The following SUGCT variants were observed in gnomAD, a reference collection of about 807,000 sequenced individuals.
SUGCT encodes the protein succinyl-CoA:glutarate-CoA transferase.
Under a neutral mutation model 55.0 loss-of-function variants are expected in SUGCT, and 41 were observed. The observed-to-expected ratio is 0.74, with a 90% confidence interval of 0.58 to 0.97. SUGCT has a LOEUF of 0.97. Ranked by LOEUF, SUGCT falls within the 50% of genes least tolerant of loss-of-function variation. The probability of loss-of-function intolerance (pLI) is 0.00; values close to 1 mark genes in which losing one functional copy is unlikely to be tolerated. For synonymous variants in SUGCT, 187 were observed against 200.4 expected (o/e 0.93, Z 0.56); for missense variants, 568 against 547.8 (o/e 1.04, Z -0.37).
the SUGCT span, among the ~76,000 whole-genome samples, chr7:40,996,580 A>G: frequency 6.6e-6 from 1 of 152,218 alleles, no homozygotes; most frequent in Non-Finnish European, 1.5e-5. Flanking sequence ...GGTGGGGACC[A>G]GGGAAATTGC....
chr7:40,779,147 C>A (rs1789604659), intron 13 of SUGCT, among the ~76,000 whole-genome samples: 1 of 152,132 alleles, frequency 6.6e-6, no homozygotes, highest in African/African-American at 2.4e-5. Context: ...CTTTTCAGGT[C>A]TCAGTTTCCT....
At chr7:40,468,001 A>C (rs1361099794) in intron 11 of SUGCT, among the ~76,000 whole-genome samples, 1 of 150,110 alleles carries the variant, frequency 6.7e-6, no homozygotes, top group Admixed American at 6.6e-5. Context: ...AGAGTACCTT[A>C]ATAGCCCCTA....
intron 9 of SUGCT, among the ~76,000 whole-genome samples, chr7:40,417,853 T>C (rs1787093679): frequency 6.6e-6 from 1 of 151,664 alleles, no homozygotes; most frequent in Non-Finnish European, 1.5e-5. Flanking sequence ...TAATTTCTCA[T>C]TACATTTTTA....
chr7:40,201,739 A>G (rs1017636080), intron 6 of SUGCT, among the ~76,000 whole-genome samples: 3 of 152,198 alleles, frequency 2.0e-5, no homozygotes, highest in African/African-American at 7.2e-5. Flanking sequence ...CTGATTCCAG[A>G]AAATGACTTT....
intron 13 of SUGCT, among the ~76,000 whole-genome samples, chr7:40,846,185 G>A (rs907123854): frequency 6.6e-6 from 1 of 152,118 alleles, no homozygotes; most frequent in African/African-American, 2.4e-5. Flanking sequence ...TGTTTTCCAT[G>A]GTGAAATCTA....
chr7:40,456,899 T>G (rs1789518437), intron 10 of SUGCT, among the ~76,000 whole-genome samples: 1 of 152,090 alleles, frequency 6.6e-6, no homozygotes, highest in South Asian at 2.1e-4. Context: ...AGCGCCATAT[T>G]GTGTAGAACC....
chr7:40,136,477 G>T (rs1347178590), intron 1 of SUGCT, among the ~76,000 whole-genome samples: 1 of 152,220 alleles, frequency 6.6e-6, no homozygotes, highest in East Asian at 1.9e-4. Flanking sequence ...CCTCCTTGAT[G>T]AATGGAGACA....
chr7:40,350,928 G>T (rs902783951), intron 9 of SUGCT, among the ~76,000 whole-genome samples: 1 of 151,920 alleles, frequency 6.6e-6, no homozygotes, highest in Non-Finnish European at 1.5e-5. Context: ...GAGAATGATG[G>T]GTTCCAGTTT....
At chr7:40,861,119 C>T (rs1794476850), downstream of SUGCT, among the ~76,000 whole-genome samples, 1 of 152,140 alleles carries the variant, frequency 6.6e-6, no homozygotes, top group Admixed American at 6.5e-5. Context: ...TGATTTTATG[C>T]TATGTGGCAG....
At chr7:40,269,460 C>T (rs1189869993) in intron 7 of SUGCT, among the ~76,000 whole-genome samples, 2 of 151,940 alleles carry the variant, frequency 1.3e-5, no homozygotes, top group South Asian at 4.1e-4. Flanking sequence ...GTAGCTGGGA[C>T]CACAGGTGTG....
At position 40,588,060 on chromosome 7, in the gene SUGCT, G is replaced by A. The variant is rs1295909639; in HGVS notation, c.1089+91674G>A. On this transcript the variant is annotated intron_variant, in intron 12 of 13. Transcript: ENST00000335693. ...TGGAATTACAGGCGTGTGCCACCAT[G>A]CCCGGCTAATTTTTGTATTTTTAGT... is the stretch of plus-strand genomic sequence containing the variant. 2.0e-5 allele frequency among the ~76,000 whole-genome samples: 3 copies of A among 151,672 alleles called. No individual in the cohort carries two copies. In the East Asian group the frequency reaches 5.8e-4, roughly 29 times the overall value.
At chr7:40,523,939 T>C (rs1793681980) in intron 12 of SUGCT, among the ~76,000 whole-genome samples, 1 of 152,114 alleles carries the variant, frequency 6.6e-6, no homozygotes, top group Non-Finnish European at 1.5e-5. Context: ...GGATCTATTA[T>C]ATATAGATTT....
chr7:40,974,724 T>C, the SUGCT span, among the ~76,000 whole-genome samples: 1 of 152,146 alleles, frequency 6.6e-6, no homozygotes, highest in Non-Finnish European at 1.5e-5. Context: ...AAGAGTAGCA[T>C]TTCACCCTCA....
chr7:40,207,180 G>C (rs1787023015), intron 6 of SUGCT, among the ~76,000 whole-genome samples: 1 of 152,108 alleles, frequency 6.6e-6, no homozygotes, highest in Non-Finnish European at 1.5e-5. Context: ...TTGGGTGACA[G>C]AGCAAAGATC....
At chr7:40,905,990 C>T in the SUGCT span, among the ~76,000 whole-genome samples, 77 of 152,248 alleles carry the variant, frequency 5.1e-4, no homozygotes, top group African/African-American at 1.7e-3. Flanking sequence ...TCCCAAAGTG[C>T]TGGGATTACA....
intron 9 of SUGCT, among the ~76,000 whole-genome samples, chr7:40,318,971 A>G (rs1795583860): frequency 6.6e-6 from 1 of 152,162 alleles, no homozygotes; most frequent in Non-Finnish European, 1.5e-5. Context: ...TATGCCCTCA[A>G]TTATTTCACT....
intron 13 of SUGCT, among the ~76,000 whole-genome samples, chr7:40,833,077 T>G (rs1001366571): frequency 1.3e-5 from 2 of 151,694 alleles, no homozygotes; most frequent in Admixed American, 6.6e-5. Context: ...ACCTCTAGAT[T>G]TTTTTTTTCA....
At chr7:40,871,829 G>C in the SUGCT span, among the ~76,000 whole-genome samples, 1 of 152,168 alleles carries the variant, frequency 6.6e-6, no homozygotes, top group Non-Finnish European at 1.5e-5. Context: ...AATTACAGCA[G>C]TAGTGGTAGA....
At chr7:40,827,074 A>G (rs1744094473) in intron 13 of SUGCT, among the ~76,000 whole-genome samples, 1 of 152,156 alleles carries the variant, frequency 6.6e-6, no homozygotes, top group South Asian at 2.1e-4. Flanking sequence ...CATCCTGACG[A>G]ATGAAAAGGA....
Sources: allele counts gnomAD v4.1 joint callset (sites outside exome capture counted in the v4.1 genomes callset), GRCh38; gene constraint gnomAD v4.1.1; transcripts MANE v1.5; gene names NCBI Gene and HGNC (gene_info 2026-07-23, HGNC 2026-07-21).